GPSM1: variants seen among roughly 807,000 people sequenced by gnomAD.
GPSM1 encodes the protein G protein signaling modulator 1.
Under a neutral mutation model 70.5 loss-of-function variants are expected in GPSM1, and 48 were observed. The ratio of observed to expected loss-of-function variants is 0.68; its 90% CI spans 0.54 to 0.87. The LOEUF (loss-of-function observed/expected upper bound fraction) is 0.87, where lower values mean the gene tolerates loss of function less well. GPSM1 is among the 40% of genes least tolerant of loss of function. GPSM1 has a pLI of 0.00. For synonymous variants in GPSM1, 416 were observed against 430.1 expected (o/e 0.97, Z 0.41); for missense variants, 981 against 972.6 (o/e 1.01, Z -0.11).
At chr9:136,333,403 G>A (rs982148945) in intron 1 of GPSM1, among the ~76,000 whole-genome samples, 19 of 151,774 alleles carry the variant, frequency 1.3e-4, no homozygotes, top group African/African-American at 3.9e-4. Context: ...GTGCGGAGCC[G>A]GGCAGCCACG....
At chr9:136,350,918 C>T (rs1324412003) in intron 11 of GPSM1, among the ~76,000 whole-genome samples, 1 of 152,108 alleles carries the variant, frequency 6.6e-6, no homozygotes, top group Non-Finnish European at 1.5e-5. Context: ...GGACAGGTGA[C>T]AGGCCGGGCC....
At chr9:136,352,771 T>C (rs1214748367) in intron 11 of GPSM1, among the ~76,000 whole-genome samples, 1 of 152,184 alleles carries the variant, frequency 6.6e-6, no homozygotes, top group African/African-American at 2.4e-5. Context: ...GGGGCCCAGG[T>C]GTCAGCGGGA....
chr9:136,355,017 C>G lies in GPSM1; in HGVS notation c.1456-673C>G, dbSNP rs1832777088. 1.2e-5 allele frequency: 13 copies of G among 1,080,118 alleles called. No individual in the cohort carries two copies. In the South Asian group the frequency reaches 3.0e-4, roughly 25 times the overall value. The allele number at this position is 1,080,118 out of a possible 1,614,324, so 66.9% of individuals were successfully genotyped here. On this transcript the variant is annotated intron_variant, in intron 11 of 13. Coordinates refer to ENST00000440944, the MANE Select transcript of GPSM1 (RefSeq NM_001145638.3). ...AGAAGTCCGGGGCAGTCGGCGGGTG[C>G]CGAGGGTGAGTGACACGTCCTGGGG...
chr9:136,336,815 G>A, intron 3 of GPSM1, 106 bp from the exon 4 acceptor site: 1 of 1,143,084 alleles, frequency 8.7e-7, no homozygotes. Context: ...AGCCCCCAAG[G>A]CCCTCGCTGT....
Position 136,358,770 on chromosome 9 carries a change from C to A in GPSM1, c.*550C>A. ...AGAGGTCAGCAACCACAGAAGGCCC[C>A]CCAGACCACGCATGGCAGACCAGGC... On this transcript the variant is annotated 3_prime_UTR_variant, in exon 14 of 14. Transcript: ENST00000440944. 1 of 172,838 alleles carries A rather than the reference C, an allele frequency of 5.8e-6. No individual in the cohort carries two copies. The allele number at this position is 172,838 out of a possible 1,614,324, so 10.7% of individuals were successfully genotyped here. A position where few individuals can be genotyped will look rare whatever the true frequency, so the allele number is the denominator to read the frequency against.
At chr9:136,344,069 G>C (rs575944404) in intron 9 of GPSM1, among the ~76,000 whole-genome samples, 9 of 152,036 alleles carry the variant, frequency 5.9e-5, no homozygotes, top group Non-Finnish European at 1.0e-4. Flanking sequence ...GGTGAGGAAC[G>C]GGGAGCCCAG....
At chr9:136,344,978 T>G (rs921225846) in intron 9 of GPSM1, among the ~76,000 whole-genome samples, 1 of 151,322 alleles carries the variant, frequency 6.6e-6, no homozygotes, top group African/African-American at 2.4e-5. Flanking sequence ...AGCAGGCAGG[T>G]GAGGGGCAGG....
At chr9:136,345,676 A>C (rs2131405843) in intron 9 of GPSM1, among the ~76,000 whole-genome samples, 1 of 152,294 alleles carries the variant, frequency 6.6e-6, no homozygotes, top group South Asian at 2.1e-4. Flanking sequence ...CGGCAGAGGG[A>C]GAGCCAGGCC....
In GPSM1 at chr9:136,343,825, G is replaced by C. The variant is rs116106560; in HGVS notation, c.1207+2832G>C. Among the ~76,000 whole-genome samples, 4,065 of 152,266 alleles carry C rather than the reference G, an allele frequency of 0.027. 200 individuals carry two copies. The highest frequency in any genetic ancestry group is 0.09 in the African/African-American group (3,738 of 41,550). ...GGTGTGGCTGCAGCACCATCCGCCT[G>C]TTCCAGCAGCCCAGTGGCCCTTGGG... is the stretch of plus-strand genomic sequence containing the variant. On this transcript the variant is annotated intron_variant, in intron 9 of 13. Transcript: ENST00000440944. The surrounding 1 kb of genome is among the most constrained non-coding windows in gnomAD (Gnocchi z 6.0).
At chr9:136,339,361 G>A (rs1832330192) in intron 7 of GPSM1, among the ~76,000 whole-genome samples, 1 of 152,282 alleles carries the variant, frequency 6.6e-6, no homozygotes, top group African/African-American at 2.4e-5. Flanking sequence ...GGAGTGCAAG[G>A]GAGGAGGCTT....
In GPSM1 at chr9:136,334,429, C is replaced by A. The variant is rs371279296; in HGVS notation, c.69-18C>A. 2 of 1,602,228 alleles carry A rather than the reference C, an allele frequency of 1.2e-6. No individual in the cohort carries two copies. Among genetic ancestry groups the A allele is most frequent in the Non-Finnish European group, 1.7e-6 (2 of 1,173,394 alleles). ...ACTTTGCCAGGGCTGGGCCATGACGCCAAGTTCCTCTGCACAGGATGGAGG... is the reference window on the plus strand; with the variant it reads ...ACTTTGCCAGGGCTGGGCCATGACGACAAGTTCCTCTGCACAGGATGGAGG... On this transcript the variant is annotated intron_variant, in intron 1 of 13. Transcript: ENST00000440944.
At chr9:136,344,667 A>G (rs1288735987) in intron 9 of GPSM1, among the ~76,000 whole-genome samples, 1 of 152,202 alleles carries the variant, frequency 6.6e-6, no homozygotes, top group Non-Finnish European at 1.5e-5. Context: ...GAAGTCAGAG[A>G]GAAGTGAGCC....
Position 136,359,407 on chromosome 9 carries a change from G to A in GPSM1, c.*1187G>A, listed in dbSNP as rs887868879. 1 of 152,192 alleles carries A rather than the reference G, an allele frequency of 6.6e-6. No homozygotes were observed. Among genetic ancestry groups the A allele is most frequent in the African/African-American group, 2.4e-5 (1 of 41,410 alleles). 9.4% of individuals were successfully genotyped at this position (152,192 alleles called of 1,614,324 possible). A position where few individuals can be genotyped will look rare whatever the true frequency, so the allele number is the denominator to read the frequency against. On this transcript the variant is annotated 3_prime_UTR_variant, in exon 14 of 14. Transcript: ENST00000440944. ...CCTGGTGAGGTGACCTGCTTCTGGA[G>A]GGGCAGGGCCGCACCCGAGAGCAGG... is the stretch of plus-strand genomic sequence containing the variant.
chr9:136,327,975 G>C (rs1239087509), intron 1 of GPSM1, among the ~76,000 whole-genome samples: 4 of 144,554 alleles, frequency 2.8e-5, no homozygotes, highest in African/African-American at 8.6e-5. Flanking sequence ...CAAGGGGAAG[G>C]GGGTGGGGGG....
At position 136,342,021 on chromosome 9, in the gene GPSM1, C is replaced by T. The variant is rs1222885930; in HGVS notation, c.1207+1028C>T. ...GACCTCTCCTGGGAAATTGGGGGTG[C>T]ATGTCAGCCACCGCAGAGGCTGAAG... On this transcript the variant is annotated intron_variant, in intron 9 of 13. Coordinates refer to ENST00000440944, the MANE Select transcript of GPSM1 (RefSeq NM_001145638.3). The surrounding 1 kb of genome is among the most constrained non-coding windows in gnomAD (Gnocchi z 5.5). Among the ~76,000 whole-genome samples the T allele has an allele frequency of 1.3e-5, 2 of 152,094 alleles. No homozygotes were observed. The highest frequency in any genetic ancestry group is 2.9e-5 in the Non-Finnish European group (2 of 68,012).
chr9:136,330,985 G>C (rs1211289213), intron 1 of GPSM1, among the ~76,000 whole-genome samples: 12 of 152,108 alleles, frequency 7.9e-5, no homozygotes, highest in African/African-American at 2.7e-4. Context: ...GGAGGAGAGA[G>C]CCCAGGGCCT....
In GPSM1 at chr9:136,340,117, A is replaced by C. The variant is rs1345836666; in HGVS notation, c.1083+302A>C. 1.3e-5 allele frequency among the ~76,000 whole-genome samples: 2 copies of C among 152,160 alleles called. No individual in the cohort carries two copies. Among genetic ancestry groups the C allele is most frequent in the African/African-American group, 4.8e-5 (2 of 41,434 alleles). On this transcript the variant is annotated intron_variant, in intron 8 of 13. Transcript: ENST00000440944. This position sits in a 1 kb window ranked among gnomAD's most constrained non-coding sequence, Gnocchi z 7.3. ...CCTCCTACTGTGGTCAGGGCGGAAC[A>C]TCACAGATGAACTGTGGGCCTCCCG...
intron 11 of GPSM1, chr9:136,354,818 C>T: frequency 1.8e-5 from 18 of 994,042 alleles, no homozygotes; most frequent in Non-Finnish European, 2.2e-5. Context: ...CTGTGTAGGG[C>T]ATGGACACAG....
In GPSM1 at chr9:136,341,738, G is replaced by A. The variant is rs782583332; in HGVS notation, c.1207+745G>A. On this transcript the variant is annotated intron_variant, in intron 9 of 13. Coordinates refer to ENST00000440944, the MANE Select transcript of GPSM1 (RefSeq NM_001145638.3). This position sits in a 1 kb window ranked among gnomAD's most constrained non-coding sequence, Gnocchi z 6.7. ...AACGTACCTGGTGCCCCCCAGGCCT[G>A]CTAAGGACCAGGCTGGGAACACCAG... is the stretch of plus-strand genomic sequence containing the variant. The A allele has an allele frequency of 1.9e-5, 19 of 987,362 alleles. No homozygotes were observed. Among genetic ancestry groups the A allele is most frequent in the Non-Finnish European group, 2.2e-5 (18 of 831,168 alleles). The allele number at this position is 987,362 out of a possible 1,614,324, so 61.2% of individuals were successfully genotyped here.
Sources: gnomAD v4.1 joint callset for allele counts (sites outside exome capture counted in the v4.1 genomes callset) on GRCh38, gnomAD v4.1.1 for gene constraint, Gnocchi (gnomAD v3.1) non-coding constraint, MANE v1.5 for transcripts, NCBI Gene and HGNC (gene_info 2026-07-23, HGNC 2026-07-21) for gene names.